Variants in TOM1 observed in about 807,000 individuals in gnomAD.
The protein encoded by TOM1 is target of Myb protein 1.
A neutral mutation model predicts 61.3 loss-of-function variants in TOM1; 38 were observed. The ratio of observed to expected loss-of-function variants is 0.62; its 90% CI spans 0.48 to 0.81. The LOEUF is 0.81. Ranked by LOEUF, TOM1 falls within the 40% of genes least tolerant of loss-of-function variation. The pLI, the probability that TOM1 is intolerant of heterozygous loss-of-function variation, is 0.00. For synonymous variants in TOM1, 270 were observed against 268.8 expected (o/e 1.00, Z -0.04); for missense variants, 591 against 659.6 (o/e 0.90, Z 1.14).
chr22:35,303,379 C>T lies in TOM1; in HGVS notation c.52+3399C>T, dbSNP rs184367687. Among the ~76,000 whole-genome samples, 464 of 152,264 alleles carry T rather than the reference C, an allele frequency of 3.0e-3. 1 individual carries two copies. The highest frequency in any genetic ancestry group is 6.3e-3 in the Admixed American group (96 of 15,294). ...CTCCTTGGTAGAATGTTACTAACAG[C>T]ATCTGCCTCACAGGGTGGTTGCTGG... On this transcript the variant is annotated intron_variant, in intron 1 of 14. Transcript: ENST00000449058.
At chr22:35,333,640 T>G (rs1407175967) in intron 10 of TOM1, 143 bp downstream of exon 10, 3 of 751,808 alleles carry the variant, frequency 4.0e-6, no homozygotes, top group Non-Finnish European at 6.6e-6. Context: ...GGCTGAATCT[T>G]GCTGCAAGGT....
chr22:35,312,629 TGGTGACG>T lies in TOM1; in HGVS notation c.53-5241_53-5235del, dbSNP rs552926745. ...TATTCATCCTCTGTCTTAAAGGTTGTGGTGACGGGTGACTGAGGGTGTGACGTGCTTA... is the reference window on the plus strand; with the variant it reads ...TATTCATCCTCTGTCTTAAAGGTTGTGGTGACTGAGGGTGTGACGTGCTTA... On this transcript the variant is annotated intron_variant, in intron 1 of 14. Coordinates refer to ENST00000449058, the MANE Select transcript of TOM1 (RefSeq NM_005488.3). Among the ~76,000 whole-genome samples, 48 of 152,330 alleles carry T rather than the reference TGGTGACG, an allele frequency of 3.2e-4. No homozygotes were observed. The South Asian group carries it at 9.5e-3, about 30-fold the overall frequency.
Position 35,345,813 on chromosome 22 carries a change from C to T in TOM1, c.1284+29C>T, listed in dbSNP as rs763269373. ...TGTTGGGGCCCACTCCTCACCCACACAGCAGGAGGACCCGTTGTTCTCACC... is the reference window on the plus strand; with the variant it reads ...TGTTGGGGCCCACTCCTCACCCACATAGCAGGAGGACCCGTTGTTCTCACC... On this transcript the variant is annotated intron_variant, in intron 13 of 14. Coordinates refer to ENST00000449058, the MANE Select transcript of TOM1 (RefSeq NM_005488.3). 9 of 1,610,644 alleles carry T rather than the reference C, an allele frequency of 5.6e-6. No individual in the cohort carries two copies. The South Asian group carries it at 8.8e-5, about 16-fold the overall frequency.
At position 35,347,280 on chromosome 22, in the gene TOM1, T is replaced by G; in HGVS notation, c.*71T>G. 1 of 1,479,232 alleles carries G rather than the reference T, an allele frequency of 6.8e-7. No homozygotes were observed. The highest frequency in any genetic ancestry group is 9.1e-7 in the Non-Finnish European group (1 of 1,101,888). 91.6% of individuals were successfully genotyped at this position (1,479,232 alleles called of 1,614,324 possible). On this transcript the variant is annotated 3_prime_UTR_variant, in exon 15 of 15. Transcript: ENST00000449058. ...ACCCTTAGGCTGGGACCTCCCTCCC[T>G]CCTCTGGTGTTAAGGCTGCTTTGGG...
intron 12 of TOM1, among the ~76,000 whole-genome samples, 155 bp downstream of exon 12, chr22:35,338,943 G>C (rs1438305381): frequency 6.6e-6 from 1 of 152,218 alleles, no homozygotes; most frequent in Non-Finnish European, 1.5e-5. Context: ...TGGCTAGTGT[G>C]GTTATTCCCA....
At chr22:35,307,717 G>A (rs1217699974) in intron 1 of TOM1, among the ~76,000 whole-genome samples, 1 of 152,198 alleles carries the variant, frequency 6.6e-6, no homozygotes, top group Non-Finnish European at 1.5e-5. Context: ...AGGGAAGGAC[G>A]GAGCCAGGGG....
At chr22:35,328,058 C>T (rs1928493929) in intron 7 of TOM1, among the ~76,000 whole-genome samples, 2 of 152,202 alleles carry the variant, frequency 1.3e-5, no homozygotes, top group South Asian at 4.1e-4. Flanking sequence ...CAGAGCGCTT[C>T]GTGTAACTGT....
rs576698899 is a variant in TOM1, at chr22:35,347,883, C to T, written c.*674C>T. The T allele has an allele frequency of 1.3e-5, 2 of 152,826 alleles. No individual in the cohort carries two copies. The highest frequency in any genetic ancestry group is 6.5e-5 in the Admixed American group (1 of 15,288). 9.5% of individuals were successfully genotyped at this position (152,826 alleles called of 1,614,324 possible). A position where few individuals can be genotyped will look rare whatever the true frequency, so the allele number is the denominator to read the frequency against. On this transcript the variant is annotated 3_prime_UTR_variant, in exon 15 of 15. Transcript: ENST00000449058. ...CCATCCTTCCTCTGTTCCTTCTGGC[C>T]GGGCACCACAGCACTGGGGCTCACC... is the stretch of plus-strand genomic sequence containing the variant.
At chr22:35,310,833 G>A (rs1236551377) in intron 1 of TOM1, among the ~76,000 whole-genome samples, 2 of 152,212 alleles carry the variant, frequency 1.3e-5, no homozygotes, top group South Asian at 4.1e-4. Context: ...CTGGGAGAGA[G>A]AGATGTAGAA....
intron 1 of TOM1, among the ~76,000 whole-genome samples, chr22:35,305,340 G>A (rs1601661656): frequency 6.6e-6 from 1 of 152,322 alleles, no homozygotes; most frequent in East Asian, 1.9e-4. Flanking sequence ...ATAGGGACAG[G>A]GAAGGGTTGA....
In TOM1 at chr22:35,346,965, C is replaced by G. The variant is rs147723349; in HGVS notation, c.1320C>G (p.Ser440Arg). The G allele has an allele frequency of 4.3e-6, 7 of 1,612,808 alleles. No individual in the cohort carries two copies. The highest frequency in any genetic ancestry group is 2.2e-5 in the East Asian group (1 of 44,838). Residue 440 changes from serine (S) to arginine (R), a missense_variant, in exon 14 of 15, where the codon AGC (serine) becomes AGG (arginine). By Grantham distance (110) the Ser-to-Arg change is moderately radical. Coordinates refer to ENST00000449058, the MANE Select transcript of TOM1 (RefSeq NM_005488.3). ...NDAEEPKGVT[S>R]EEFDKFLEER... ...CGGAAGAGCCTAAGGGGGTCACCAG[C>G]GAAGGTAGTAGTCCCCGCCCCTGCC...
rs35588735 is a variant in TOM1 at position 35,342,140 on chromosome 22, C to CA, written c.1224+3361dup. Among the ~76,000 whole-genome samples the CA allele has an allele frequency of 1.7e-4, 26 of 151,108 alleles. No individual in the cohort carries two copies. The East Asian group carries it at 1.9e-3, about 11-fold the overall frequency. The stretch of plus-strand genomic sequence containing the variant: ...TGGGCAACATAGTAAGACTGTATCT[C>CA]AAAAAAAAAGAAACAGAATCAAGTG... On this transcript the variant is annotated intron_variant, in intron 12 of 14. Coordinates refer to ENST00000449058, the MANE Select transcript of TOM1 (RefSeq NM_005488.3).
chr22:35,302,627 G>A lies in TOM1; in HGVS notation c.52+2647G>A, dbSNP rs563967585. ...GATTACAGGCATGACCACCGTGTCC[G>A]GCCTAGAATGTGAATTTCTGTTGAG... On this transcript the variant is annotated intron_variant, in intron 1 of 14. Transcript: ENST00000449058. Among the ~76,000 whole-genome samples, 8 of 152,154 alleles carry A rather than the reference G, an allele frequency of 5.3e-5. No individual in the cohort carries two copies. The South Asian group carries it at 8.3e-4, about 16-fold the overall frequency.
chr22:35,312,707 A>G (rs1017774240), intron 1 of TOM1, among the ~76,000 whole-genome samples: 5 of 152,210 alleles, frequency 3.3e-5, no homozygotes, highest in Admixed American at 6.5e-5. Context: ...GAGCATGTGA[A>G]CTGGATGAGC....
chr22:35,316,573 G>A (rs1261290191), intron 1 of TOM1, among the ~76,000 whole-genome samples: 1 of 152,230 alleles, frequency 6.6e-6, no homozygotes, highest in Non-Finnish European at 1.5e-5. Flanking sequence ...CAGACCTGCA[G>A]CCAGTGGTCC....
chr22:35,316,923 G>A (rs1927346700), intron 1 of TOM1, among the ~76,000 whole-genome samples: 1 of 152,070 alleles, frequency 6.6e-6, no homozygotes, highest in Non-Finnish European at 1.5e-5. Context: ...TAGTTCTGCT[G>A]GGTGGCTCGG....
At chr22:35,326,822 G>A (rs73885915) in intron 6 of TOM1, among the ~76,000 whole-genome samples, 5 of 151,382 alleles carry the variant, frequency 3.3e-5, no homozygotes, top group Non-Finnish European at 5.9e-5. Context: ...GAGAGAGGGG[G>A]GGATCCCAGT....
chr22:35,305,608 C>T (rs562356833), intron 1 of TOM1, among the ~76,000 whole-genome samples: 169 of 150,316 alleles, frequency 1.1e-3, no homozygotes, highest in Non-Finnish European at 2.2e-3. Context: ...TGCAGTGAGC[C>T]AAGATCACGC....
At chr22:35,315,106 C>T (rs1927169690) in intron 1 of TOM1, among the ~76,000 whole-genome samples, 1 of 151,742 alleles carries the variant, frequency 6.6e-6, no homozygotes, top group South Asian at 2.1e-4. Context: ...TCCTTCTGGA[C>T]AGTGTGGAGA....
Sources: allele counts gnomAD v4.1 joint callset (sites outside exome capture counted in the v4.1 genomes callset), GRCh38; gene constraint gnomAD v4.1.1; transcripts MANE v1.5; gene names NCBI Gene and HGNC (gene_info 2026-07-23, HGNC 2026-07-21).